CNTN5: variants seen among roughly 807,000 people sequenced by gnomAD.
The protein encoded by CNTN5 is contactin 5, also known as contactin-5.
A neutral mutation model predicts 129.1 loss-of-function variants in CNTN5; 77 were observed. The observed-to-expected ratio is 0.60, with a 90% CI of 0.50 to 0.72. CNTN5 has a LOEUF of 0.72. Among genes scored for constraint, CNTN5 ranks in the 30% least tolerant of loss-of-function variants. The pLI is 0.00. For missense variants in CNTN5, 1,478 were observed against 1,328.8 expected (o/e 1.11, Z -1.75); for synonymous variants, 509 against 465.6 (o/e 1.09, Z -1.20).
intron 1 of CNTN5, among the ~76,000 whole-genome samples, chr11:99,222,425 C>T (rs547166293): frequency 1.3e-5 from 2 of 151,842 alleles, no homozygotes; most frequent in Non-Finnish European, 2.9e-5. Context: ...TGTCAAAAAA[C>T]TCACTAAACT....
chr11:100,065,703 G>A (rs1943667801), intron 10 of CNTN5, among the ~76,000 whole-genome samples: 1 of 152,050 alleles, frequency 6.6e-6, no homozygotes, highest in African/African-American at 2.4e-5. Flanking sequence ...CTACTTCTCA[G>A]TGAGACACTG....
At chr11:99,819,301 TTCC>T (rs1946695868) in intron 3 of CNTN5, among the ~76,000 whole-genome samples, 8 of 59,846 alleles carry the variant, frequency 1.3e-4, no homozygotes, top group Admixed American at 7.2e-4. Flanking sequence ...TCTCCTCCCC[TTCC>T]CTCCCCTCTC....
chr11:99,676,305 T>C (rs1953280285), intron 3 of CNTN5, among the ~76,000 whole-genome samples: 12 of 152,166 alleles, frequency 7.9e-5, no homozygotes, highest in Admixed American at 7.9e-4. Flanking sequence ...ATCAATACCA[T>C]AGACTACAAC....
intron 1 of CNTN5, among the ~76,000 whole-genome samples, chr11:99,030,780 C>CT (rs71305325): frequency 0.34 from 40,304 of 119,924 alleles, 7,883 homozygotes; most frequent in East Asian, 0.47. Flanking sequence ...TGCTAACTCT[C>CT]TTTTTTTTTT....
chr11:99,821,527 T>G (rs749824554), intron 4 of CNTN5, among the ~76,000 whole-genome samples: 27 of 152,278 alleles, frequency 1.8e-4, no homozygotes, highest in African/African-American at 4.3e-4. Context: ...AGACAATTTT[T>G]TTTTTCTGGA....
intron 9 of CNTN5, among the ~76,000 whole-genome samples, chr11:100,018,340 T>C (rs75479834): frequency 0.012 from 1,890 of 152,104 alleles, 42 homozygotes; most frequent in African/African-American, 0.043. Flanking sequence ...CCCAGGAAAC[T>C]GATCCTGTAT....
intron 6 of CNTN5, among the ~76,000 whole-genome samples, chr11:99,890,567 G>A (rs1394033749): frequency 8.3e-6 from 1 of 120,710 alleles, no homozygotes; most frequent in Non-Finnish European, 1.9e-5. Flanking sequence ...AAATAGACAT[G>A]TGTGTGTGTA....
intron 3 of CNTN5, among the ~76,000 whole-genome samples, chr11:99,680,737 G>T (rs1003700818): frequency 6.6e-6 from 1 of 151,826 alleles, no homozygotes; most frequent in African/African-American, 2.4e-5. Context: ...CTTTGCCCAG[G>T]AATATTAGAA....
At chr11:99,532,752 T>A (rs1180536812) in intron 2 of CNTN5, among the ~76,000 whole-genome samples, 1 of 152,240 alleles carries the variant, frequency 6.6e-6, no homozygotes. Context: ...CCTTTTGCCC[T>A]CTGCCATGAT....
intron 3 of CNTN5, among the ~76,000 whole-genome samples, chr11:99,714,164 T>C (rs914987533): frequency 4.6e-5 from 7 of 151,952 alleles, no homozygotes; most frequent in African/African-American, 1.7e-4. Context: ...AAATATATTT[T>C]AATATGGCTA....
intron 15 of CNTN5, among the ~76,000 whole-genome samples, chr11:100,194,702 A>T (rs770600311): frequency 5.3e-4 from 80 of 152,092 alleles, no homozygotes; most frequent in Non-Finnish European, 3.5e-4. Flanking sequence ...CAGTCACATG[A>T]TTTGCCTGGG....
chr11:99,864,487 T>G (rs1948302635), intron 6 of CNTN5, among the ~76,000 whole-genome samples: 1 of 152,118 alleles, frequency 6.6e-6, no homozygotes, highest in Non-Finnish European at 1.5e-5. Context: ...GGCTGCCACC[T>G]TGGACTTGCT....
intron 21 of CNTN5, among the ~76,000 whole-genome samples, chr11:100,335,319 G>A (rs1952012842): frequency 6.6e-6 from 1 of 152,186 alleles, no homozygotes; most frequent in Non-Finnish European, 1.5e-5. Flanking sequence ...CAGAACTCAT[G>A]AGTTTTAGAT....
intron 3 of CNTN5, among the ~76,000 whole-genome samples, chr11:99,683,522 TG>T (rs1565423582): frequency 6.6e-6 from 1 of 151,968 alleles, no homozygotes; most frequent in Non-Finnish European, 1.5e-5. Context: ...AATATCATAC[TG>T]CCTTGGTTAT....
chr11:100,052,124 A>G (rs1197434922), intron 9 of CNTN5, among the ~76,000 whole-genome samples: 2 of 151,928 alleles, frequency 1.3e-5, no homozygotes, highest in Non-Finnish European at 2.9e-5. Flanking sequence ...GGGATAAAAG[A>G]AAATAATCTT....
intron 1 of CNTN5, among the ~76,000 whole-genome samples, chr11:99,073,492 T>C (rs1214579134): frequency 1.3e-5 from 2 of 148,238 alleles, no homozygotes; most frequent in African/African-American, 4.9e-5. Context: ...CAACCCATCA[T>C]CTAGGTTTTA....
chr11:99,139,882 T>C (rs1053733172), intron 1 of CNTN5, among the ~76,000 whole-genome samples: 6 of 152,150 alleles, frequency 3.9e-5, no homozygotes, highest in Middle Eastern at 3.2e-3. Context: ...ATATGAGAAT[T>C]GTGAAATTGA....
At chr11:99,249,279 G>T (rs1365655984) in intron 1 of CNTN5, among the ~76,000 whole-genome samples, 1 of 152,014 alleles carries the variant, frequency 6.6e-6, no homozygotes, top group African/African-American at 2.4e-5. Flanking sequence ...TCTGTTATTG[G>T]TGTATAAGAA....
At chr11:99,845,465 C>T (rs1366216946) in intron 6 of CNTN5, among the ~76,000 whole-genome samples, 1 of 148,250 alleles carries the variant, frequency 6.7e-6, no homozygotes, top group African/African-American at 2.5e-5. Context: ...CTCCGCCTCC[C>T]GGGTTCACGC....
Sources: gnomAD v4.1 joint callset for allele counts (sites outside exome capture counted in the v4.1 genomes callset) on GRCh38, gnomAD v4.1.1 for gene constraint, MANE v1.5 for transcripts, NCBI Gene and HGNC (gene_info 2026-07-23, HGNC 2026-07-21) for gene names.